Variants in GSG1L observed in about 807,000 individuals in gnomAD.
GSG1L encodes the protein GSG1 like.
In GSG1L, 24 loss-of-function variants were observed where a neutral mutation model predicts 42.1. The ratio of observed to expected loss-of-function variants is 0.57; its 90% CI spans 0.41 to 0.80. The LOEUF is 0.80. Among genes scored for constraint, GSG1L ranks in the 30% least tolerant of loss-of-function variants. GSG1L has a pLI of 0.00. For synonymous variants in GSG1L, 215 were observed against 203.5 expected (o/e 1.06, Z -0.48); for missense variants, 445 against 472.2 (o/e 0.94, Z 0.53).
chr16:27,840,714 CTG>C (rs149212809), intron 4 of GSG1L, among the ~76,000 whole-genome samples: 1,582 of 152,286 alleles, frequency 0.01, 34 homozygotes, highest in African/African-American at 0.036. Context: ...AGGAGTGACA[CTG>C]TGTGATTTCT....
intron 5 of GSG1L, among the ~76,000 whole-genome samples, chr16:27,820,396 G>C (rs1178762004): frequency 6.6e-6 from 1 of 152,124 alleles, no homozygotes. Context: ...GGAGGCAGGT[G>C]GGTGCCGTGC....
At chr16:27,862,785 C>T (rs147720317) in intron 3 of GSG1L, among the ~76,000 whole-genome samples, 74 of 152,298 alleles carry the variant, frequency 4.9e-4, no homozygotes, top group African/African-American at 1.7e-3. Context: ...CCAACACCTA[C>T]GCTCCCCATA....
rs536736469 is a variant in GSG1L, at chr16:28,000,429, T to C, written c.350-37226A>G. Among the ~76,000 whole-genome samples, 4 of 152,310 alleles carry C rather than the reference T, an allele frequency of 2.6e-5. No individual in the cohort carries two copies. In the South Asian group the frequency reaches 8.3e-4, roughly 32 times the overall value. On this transcript the variant is annotated intron_variant, in intron 1 of 6. Coordinates refer to ENST00000447459, the MANE Select transcript of GSG1L (RefSeq NM_001109763.2). Reference sequence around the variant, plus strand: ...GGGATGGGACATTTCCTCTGGACGATCCCCCAGCAGATAATCCACGAAGAG... The same window carrying C: ...GGGATGGGACATTTCCTCTGGACGACCCCCCAGCAGATAATCCACGAAGAG...
At chr16:27,849,998 T>C (rs766954373) in intron 3 of GSG1L, among the ~76,000 whole-genome samples, 2 of 148,820 alleles carry the variant, frequency 1.3e-5, no homozygotes, top group Non-Finnish European at 3.0e-5. Context: ...TAGAATCCTA[T>C]TTGTGCCATA....
chr16:27,859,021 T>C (rs1311159827), intron 3 of GSG1L, among the ~76,000 whole-genome samples: 1 of 152,090 alleles, frequency 6.6e-6, no homozygotes, highest in Non-Finnish European at 1.5e-5. Flanking sequence ...CCAAGTGTGT[T>C]CACAGTTTCA....
chr16:27,946,647 GA>G (rs1480385258), intron 2 of GSG1L, among the ~76,000 whole-genome samples: 2 of 21,342 alleles, frequency 9.4e-5, no homozygotes, highest in African/African-American at 3.5e-4. Context: ...AAGAAAGAAA[GA>G]AAGAAAGAAA....
intron 1 of GSG1L, among the ~76,000 whole-genome samples, chr16:28,026,673 G>A (rs1410891259): frequency 6.6e-6 from 1 of 152,234 alleles, no homozygotes; most frequent in Non-Finnish European, 1.5e-5. Context: ...AACAGCCACT[G>A]TCTGAGGCAT....
Position 27,884,705 on chromosome 16 carries a change from T to G in GSG1L, c.398-67A>C. 6.9e-7 allele frequency: 1 copy of G among 1,459,050 alleles called. No homozygotes were observed. Among genetic ancestry groups the G allele is most frequent in the South Asian group, 1.3e-5 (1 of 77,698 alleles). 90.4% of individuals were successfully genotyped at this position (1,459,050 alleles called of 1,614,324 possible). A position where few individuals can be genotyped will look rare whatever the true frequency, so the allele number is the denominator to read the frequency against. ...CCAAGATAGACTCACCCTGTGCCTA[T>G]TCCTCCCACAACAGCAGAGGGTAGC... On this transcript the variant is annotated intron_variant, in intron 2 of 6. Transcript: ENST00000447459. The surrounding 1 kb of genome is among the most constrained non-coding windows in gnomAD (Gnocchi z 4.4).
intron 2 of GSG1L, among the ~76,000 whole-genome samples, chr16:27,933,856 C>T (rs552714076): frequency 6.6e-6 from 1 of 152,236 alleles, no homozygotes; most frequent in East Asian, 1.9e-4. Context: ...GGCCTGAGGT[C>T]CCGTAGCTGC....
At chr16:28,038,245 G>T (rs888465369) in intron 1 of GSG1L, among the ~76,000 whole-genome samples, 6 of 152,054 alleles carry the variant, frequency 3.9e-5, no homozygotes, top group African/African-American at 1.4e-4. Flanking sequence ...CAAGTAGCTG[G>T]AACCACATGC....
intron 3 of GSG1L, among the ~76,000 whole-genome samples, chr16:27,864,536 C>G (rs1215980522): frequency 6.6e-6 from 1 of 152,228 alleles, no homozygotes; most frequent in Admixed American, 6.5e-5. Context: ...TGGACTTAAT[C>G]TTCTCAAAGG....
intron 1 of GSG1L, among the ~76,000 whole-genome samples, chr16:28,052,835 C>G (rs1001073104): frequency 1.3e-5 from 2 of 152,242 alleles, no homozygotes; most frequent in Non-Finnish European, 2.9e-5. Flanking sequence ...GTGAGATCCC[C>G]ATGTGGAGAG....
At chr16:27,986,167 G>A (rs890947605) in intron 1 of GSG1L, among the ~76,000 whole-genome samples, 2 of 152,148 alleles carry the variant, frequency 1.3e-5, no homozygotes, top group African/African-American at 2.4e-5. Context: ...AGTTATTGCC[G>A]CAGGGAGGCT....
Position 27,986,154 on chromosome 16 carries a change from G to T in GSG1L, c.350-22951C>A, listed in dbSNP as rs116029837. Among the ~76,000 whole-genome samples the T allele has an allele frequency of 2.0e-5, 3 of 152,162 alleles. No individual in the cohort carries two copies. In the East Asian group the frequency reaches 5.8e-4, roughly 29 times the overall value. On this transcript the variant is annotated intron_variant, in intron 1 of 6. Transcript: ENST00000447459. ...GAGGGTGGCTGACAGTGTTTACAAC[G>T]AGAGTTATTGCCGCAGGGAGGCTAC...
chr16:27,816,155 G>A (rs1567467471), intron 5 of GSG1L, among the ~76,000 whole-genome samples: 1 of 152,192 alleles, frequency 6.6e-6, no homozygotes, highest in African/African-American at 2.4e-5. Flanking sequence ...AGTTCCAGAG[G>A]TGGAAGGTAT....
intron 2 of GSG1L, among the ~76,000 whole-genome samples, chr16:27,909,360 C>T (rs1596605074): frequency 6.8e-6 from 1 of 147,088 alleles, no homozygotes; most frequent in African/African-American, 2.5e-5. Context: ...TTTCTTTTTT[C>T]TTTCTTTCTT....
intron 1 of GSG1L, among the ~76,000 whole-genome samples, chr16:28,031,321 GGGATGGGATGAGATGGGATGGGATT>G (rs2085960953): frequency 1.4e-5 from 2 of 147,788 alleles, no homozygotes; most frequent in East Asian, 2.1e-4. Context: ...GGAATGGGAT[GGGATGGGATGAGATGGGATGGGATT>G]GGATGAGATG....
chr16:27,979,642 G>GGAAAGAAAGAAAGAAAGAAA (rs200521273), intron 1 of GSG1L, among the ~76,000 whole-genome samples: 2,412 of 55,680 alleles, frequency 0.043, 182 homozygotes, highest in Non-Finnish European at 0.064. Flanking sequence ...AGGAGGGAGG[G>GGAAAGAAAGAAAGAAAGAAA]GAAAGAAAGA....
At chr16:27,996,277 T>TCAAA (rs1410516491) in intron 1 of GSG1L, among the ~76,000 whole-genome samples, 1 of 152,134 alleles carries the variant, frequency 6.6e-6, no homozygotes, top group African/African-American at 2.4e-5. Flanking sequence ...AATGGTGCCC[T>TCAAA]CAAACACTTC....
Sources: gnomAD v4.1 joint callset for allele counts (sites outside exome capture counted in the v4.1 genomes callset) on GRCh38, gnomAD v4.1.1 for gene constraint, Gnocchi (gnomAD v3.1) non-coding constraint, MANE v1.5 for transcripts, NCBI Gene and HGNC (gene_info 2026-07-23, HGNC 2026-07-21) for gene names.